Variants in NFASC observed in about 807,000 individuals in gnomAD.
The protein encoded by NFASC is neurofascin, also known as neurofascin homolog.
A neutral mutation model predicts 147.5 loss-of-function variants in NFASC; 43 were observed. The observed-to-expected ratio is 0.29, with a 90% confidence interval of 0.23 to 0.38. The LOEUF is 0.38. Ranked by LOEUF, NFASC falls within the 10% of genes least tolerant of loss-of-function variation. NFASC has a pLI of 1.00. For missense variants in NFASC, 1,320 were observed against 1,689.0 expected (o/e 0.78, Z 3.83); for synonymous variants, 622 against 665.5 (o/e 0.93, Z 1.01).
chr1:204,938,816 A>G (rs769609234), intron 2 of NFASC, among the ~76,000 whole-genome samples: 8 of 152,128 alleles, frequency 5.3e-5, no homozygotes, highest in Non-Finnish European at 1.0e-4. Flanking sequence ...AACAATCTAC[A>G]ACCTGATTTG....
intron 1 of NFASC, among the ~76,000 whole-genome samples, 185 bp from the exon 2 acceptor site, chr1:204,920,447 T>TTTTC (rs1553254801): frequency 1.4e-5 from 2 of 140,932 alleles, no homozygotes; most frequent in Admixed American, 7.2e-5. Context: ...TTTTTTTTTT[T>TTTTC]CTTCCAGAGT....
chr1:204,984,175 C>T (rs758729077), intron 21 of NFASC: 1 of 1,445,904 alleles, frequency 6.9e-7, no homozygotes, highest in South Asian at 1.1e-5. Context: ...CACCTAACTA[C>T]CCAGCTCACT....
At chr1:204,865,536 C>A (rs918607185) in intron 1 of NFASC, among the ~76,000 whole-genome samples, 22 of 152,162 alleles carry the variant, frequency 1.4e-4, no homozygotes, top group Non-Finnish European at 4.4e-5. Flanking sequence ...AGAAACTGTT[C>A]TTTCCCCATT....
At chr1:204,936,417 G>A (rs539978855) in intron 2 of NFASC, among the ~76,000 whole-genome samples, 6 of 151,852 alleles carry the variant, frequency 4.0e-5, no homozygotes, top group African/African-American at 1.5e-4. Context: ...GGCAAGGCTG[G>A]CCTCAAACTC....
intron 1 of NFASC, among the ~76,000 whole-genome samples, chr1:204,895,461 C>T (rs189211653): frequency 3.6e-4 from 55 of 152,298 alleles, no homozygotes; most frequent in Non-Finnish European, 6.3e-4. Flanking sequence ...GTCATTCAAC[C>T]CTGCTTTTTT....
Position 204,832,972 on chromosome 1 carries a change from T to G in NFASC, c.-200+4190T>G, listed in dbSNP as rs139779005. Among the ~76,000 whole-genome samples the G allele has an allele frequency of 5.0e-3, 759 of 152,342 alleles. 6 individuals carry two copies. The highest frequency in any genetic ancestry group is 4.7e-3 in the Non-Finnish European group (322 of 68,032). The stretch of plus-strand genomic sequence containing the variant: ...CTAGCTGCAAGGGCCCAGGCCTAAC[T>G]GTAAGGGCAGATGTTGGATGCATAT... On this transcript the variant is annotated intron_variant, in intron 1 of 29. Coordinates refer to ENST00000339876, the MANE Select transcript of NFASC (RefSeq NM_001005388.3).
chr1:204,860,795 A>G lies in NFASC; in HGVS notation c.-200+32013A>G, dbSNP rs192264657. Among the ~76,000 whole-genome samples the G allele has an allele frequency of 4.6e-5, 7 of 152,140 alleles. No individual in the cohort carries two copies. The East Asian group carries it at 5.8e-4, about 13-fold the overall frequency. On this transcript the variant is annotated intron_variant, in intron 1 of 29. Transcript: ENST00000339876. Reference sequence around the variant, plus strand: ...TCATTAATCAGTTTTTTCTCTATAGACTTGCCTATTCTGGACACTTCATGT... The same window carrying G: ...TCATTAATCAGTTTTTTCTCTATAGGCTTGCCTATTCTGGACACTTCATGT...
At chr1:204,855,839 G>A in intron 1 of NFASC, among the ~76,000 whole-genome samples, 1 of 152,174 alleles carries the variant, frequency 6.6e-6, no homozygotes, top group East Asian at 1.9e-4. Flanking sequence ...TCCACTGAAT[G>A]AGGTCTCTAA....
intron 1 of NFASC, among the ~76,000 whole-genome samples, chr1:204,848,488 A>G (rs2075373043): frequency 6.6e-6 from 1 of 152,184 alleles, no homozygotes. Flanking sequence ...GGCTTCCCAA[A>G]GTGTTGTGAT....
At chr1:204,950,451 C>A in intron 3 of NFASC, 106 bp from the exon 4 acceptor site, 3 of 1,058,026 alleles carry the variant, frequency 2.8e-6, no homozygotes, top group Non-Finnish European at 4.3e-6. Flanking sequence ...CCAGGCACAC[C>A]CCGCCCACTC....
intron 21 of NFASC, among the ~76,000 whole-genome samples, chr1:204,982,623 AAAC>A (rs2095531405): frequency 1.3e-5 from 2 of 152,240 alleles, no homozygotes; most frequent in South Asian, 4.1e-4. Context: ...GCCCCTGGTA[AAAC>A]AACAAGATTC....
intron 1 of NFASC, among the ~76,000 whole-genome samples, chr1:204,899,267 A>G (rs2084031301): frequency 6.6e-6 from 1 of 152,220 alleles, no homozygotes; most frequent in African/African-American, 2.4e-5. Context: ...GTAAGTGCTC[A>G]TTGCATCTGC....
intron 1 of NFASC, among the ~76,000 whole-genome samples, chr1:204,863,620 G>A (rs1421556220): frequency 6.6e-6 from 1 of 151,984 alleles, no homozygotes; most frequent in Non-Finnish European, 1.5e-5. Flanking sequence ...AAGGCCGAGG[G>A]GGGTGGATCA....
intron 1 of NFASC, among the ~76,000 whole-genome samples, chr1:204,888,522 A>T (rs900622653): frequency 6.6e-6 from 1 of 152,182 alleles, no homozygotes; most frequent in African/African-American, 2.4e-5. Flanking sequence ...GGACTTCCTT[A>T]TGCTGACTCA....
intron 1 of NFASC, among the ~76,000 whole-genome samples, chr1:204,906,313 A>G (rs2085849922): frequency 6.6e-6 from 1 of 152,214 alleles, no homozygotes; most frequent in East Asian, 1.9e-4. Context: ...TAAGCAAGAT[A>G]CAGAACATTT....
In NFASC at chr1:204,987,459, C is replaced by CTGG. The variant is rs1558381919; in HGVS notation, c.2513_2515dup (p.Leu838_Glu839insVal). On this transcript the variant is annotated inframe_insertion, in exon 22 of 30. Transcript: ENST00000339876. This position sits in a 1 kb window ranked among gnomAD's most constrained non-coding sequence, Gnocchi z 4.4. Reference sequence around the variant, plus strand: ...GCGTTTCCGAGTCCGGCAGCCCAACCTGGAGACAATCAACCTGGAATGGGA... The same window carrying CTGG: ...GCGTTTCCGAGTCCGGCAGCCCAACCTGGTGGAGACAATCAACCTGGAATGGGA... The CTGG allele has an allele frequency of 6.2e-7, 1 of 1,614,110 alleles. No homozygotes were observed. The highest frequency in any genetic ancestry group is 8.5e-7 in the Non-Finnish European group (1 of 1,179,990).
At chr1:204,924,083 G>A (rs767342518) in intron 2 of NFASC, among the ~76,000 whole-genome samples, 3 of 152,214 alleles carry the variant, frequency 2.0e-5, no homozygotes, top group East Asian at 1.9e-4. Flanking sequence ...ACTTGCAGCC[G>A]CCAGCGCTTT....
intron 1 of NFASC, among the ~76,000 whole-genome samples, chr1:204,841,902 T>C (rs1239960083): frequency 6.6e-6 from 1 of 152,166 alleles, no homozygotes; most frequent in Non-Finnish European, 1.5e-5. Flanking sequence ...GCTGTGATGC[T>C]ATTGCAAGGG....
At chr1:204,915,468 A>G (rs1000848850) in intron 1 of NFASC, among the ~76,000 whole-genome samples, 2 of 152,152 alleles carry the variant, frequency 1.3e-5, no homozygotes, top group African/African-American at 4.8e-5. Flanking sequence ...TATACAACAA[A>G]CTAGTAACTG....
Sources: gnomAD v4.1 joint callset for allele counts (sites outside exome capture counted in the v4.1 genomes callset) on GRCh38, gnomAD v4.1.1 for gene constraint, Gnocchi (gnomAD v3.1) non-coding constraint, MANE v1.5 for transcripts, NCBI Gene and HGNC (gene_info 2026-07-23, HGNC 2026-07-21) for gene names.